NOP9: variants seen among roughly 807,000 people sequenced by gnomAD.
NOP9 encodes nucleolar protein 9.
In NOP9, 50 loss-of-function variants were observed where a neutral mutation model predicts 63.0. The ratio of observed to expected loss-of-function variants is 0.79; its 90% CI spans 0.63 to 1.00. The LOEUF (loss-of-function observed/expected upper bound fraction) is 1.00, where lower values mean the gene tolerates loss of function less well. NOP9 is among the 50% of genes least tolerant of loss of function. The pLI is 0.00. For missense variants in NOP9, 758 were observed against 803.0 expected (o/e 0.94, Z 0.68); for synonymous variants, 343 against 332.8 (o/e 1.03, Z -0.33).
the NOP9 span, among the ~76,000 whole-genome samples, chr14:24,279,830 A>T: frequency 6.6e-6 from 1 of 152,186 alleles, no homozygotes; most frequent in East Asian, 1.9e-4. Flanking sequence ...TTTTGGGCAT[A>T]TATGATGTGA....
Position 24,304,548 on chromosome 14 carries a change from T to G in NOP9, c.1703T>G (p.Ile568Ser), listed in dbSNP as rs1358089673. Residue 568 changes from isoleucine (I) to serine (S), a missense_variant, in exon 9 of 10, where the codon ATC becomes AGC. Physicochemically the swap from Ile to Ser is moderately radical, Grantham distance 142. Coordinates refer to ENST00000267425, the MANE Select transcript of NOP9 (RefSeq NM_174913.3). The part of the protein sequence containing the change: ...SRHGSRVLDA[I>S]WSGAALRARK... Reference sequence around the variant, plus strand: ...CATGGCAGCCGTGTGCTAGATGCCATCTGGAGTGGAGCAGCCTTGAGGGCC... The same window carrying G: ...CATGGCAGCCGTGTGCTAGATGCCAGCTGGAGTGGAGCAGCCTTGAGGGCC... 3 of 1,613,732 alleles carry G rather than the reference T, an allele frequency of 1.9e-6. No individual in the cohort carries two copies. The highest frequency in any genetic ancestry group is 2.2e-5 in the South Asian group (2 of 91,058).
At position 24,307,914 on chromosome 14, in the gene NOP9, G is replaced by T. The variant is rs138916669; in HGVS notation, c.*2819G>T. ...TCTGGGCTGGGTGGTTCTCTCCTGT[G>T]CTGGGGCTTTAGTGGTGTTTTCTGT... On this transcript the variant is annotated 3_prime_UTR_variant, in exon 10 of 10. Transcript: ENST00000267425. 6.8e-7 allele frequency: 1 copy of T among 1,476,482 alleles called. No individual in the cohort carries two copies. The highest frequency in any genetic ancestry group is 9.3e-7 in the Non-Finnish European group (1 of 1,076,384). 91.5% of individuals were successfully genotyped at this position (1,476,482 alleles called of 1,614,324 possible).
chr14:24,286,407 C>T, the NOP9 span, among the ~76,000 whole-genome samples: 2 of 152,202 alleles, frequency 1.3e-5, no homozygotes, highest in African/African-American at 4.8e-5. Context: ...AGTCCATCCT[C>T]CCCATACCTC....
At chr14:24,276,002 G>T in the NOP9 span, among the ~76,000 whole-genome samples, 1 of 152,198 alleles carries the variant, frequency 6.6e-6, no homozygotes. Context: ...CCATGTGACT[G>T]CTAAGCGCTT....
At position 24,301,606 on chromosome 14, in the gene NOP9, C is replaced by G; in HGVS notation, c.698-6C>G. 6.2e-7 allele frequency: 1 copy of G among 1,614,126 alleles called. No homozygotes were observed. Among genetic ancestry groups the G allele is most frequent in the Non-Finnish European group, 8.5e-7 (1 of 1,179,972 alleles). ...CCCACTGCACATGTTCTTAATCTTCCTTCAGAAGCACAGAAGACCCCAGCT... is the reference window on the plus strand; with the variant it reads ...CCCACTGCACATGTTCTTAATCTTCGTTCAGAAGCACAGAAGACCCCAGCT... On this transcript the variant is annotated splice_region_variant and splice_polypyrimidine_tract_variant and intron_variant, in intron 2 of 9. Transcript: ENST00000267425.
chr14:24,303,027 T>C, intron 5 of NOP9, 47 bp from the exon 6 acceptor site: 1 of 1,491,922 alleles, frequency 6.7e-7, no homozygotes, highest in Non-Finnish European at 8.9e-7. Context: ...AATAATGTGG[T>C]CCGCCATTAC....
At chr14:24,296,936 C>CA, upstream of NOP9, 1 of 1,608,738 alleles carries the variant, frequency 6.2e-7, no homozygotes, top group East Asian at 2.2e-5. Context: ...TGAGTCATGA[C>CA]AAAACTCCCC....
the NOP9 span, chr14:24,293,993 G>A: frequency 6.6e-6 from 1 of 152,106 alleles, no homozygotes; most frequent in Admixed American, 6.6e-5. Flanking sequence ...AATCAGTGGG[G>A]GAAAGTTGGA....
At chr14:24,291,733 G>A in the NOP9 span, 2 of 1,201,772 alleles carry the variant, frequency 1.7e-6, no homozygotes, top group South Asian at 1.2e-5. Context: ...AGACCAAAGA[G>A]GCCAAAGACC....
Position 24,303,751 on chromosome 14 carries a change from C to G in NOP9, c.1304C>G (p.Pro435Arg). ...CTTTAGGCATTCCACTGTGCAGAGC[C>G]CTCATCCCGGCAAGTGGCCTGTGTG... ...LLLEAFHCAE[P>R]SSRQVACVPL... Residue 435 changes from proline (P) to arginine (R), a missense_variant, in exon 7 of 10, where the codon CCC becomes CGC. Transcript: ENST00000267425. The G allele has an allele frequency of 3.7e-6, 6 of 1,614,144 alleles. No individual in the cohort carries two copies. Among genetic ancestry groups the G allele is most frequent in the Non-Finnish European group, 5.1e-6 (6 of 1,180,002 alleles).
At chr14:24,302,677 C>T (rs529576422) in intron 5 of NOP9, among the ~76,000 whole-genome samples, 2 of 152,310 alleles carry the variant, frequency 1.3e-5, no homozygotes, top group East Asian at 3.9e-4. Context: ...GTTCCATGGC[C>T]CACCCAGACT....
the NOP9 span, among the ~76,000 whole-genome samples, chr14:24,286,101 G>A: frequency 6.6e-6 from 1 of 152,214 alleles, no homozygotes; most frequent in Non-Finnish European, 1.5e-5. Flanking sequence ...CTCAGTTGGG[G>A]CGGGGCTGCA....
rs961328146 is a variant in NOP9 at position 24,299,953 on chromosome 14, A to G, written c.-2A>G. The G allele has an allele frequency of 6.5e-7, 1 of 1,537,850 alleles. No individual in the cohort carries two copies. The highest frequency in any genetic ancestry group is 2.3e-5 in the East Asian group (1 of 44,084). Reference sequence around the variant, plus strand: ...TGCAGCCGGACAGGTCGCGAAGCACACATGGGGCAGGGTCCGCGCTCTCCA... The same window carrying G: ...TGCAGCCGGACAGGTCGCGAAGCACGCATGGGGCAGGGTCCGCGCTCTCCA... On this transcript the variant is annotated 5_prime_UTR_variant, in exon 1 of 10. Coordinates refer to ENST00000267425, the MANE Select transcript of NOP9 (RefSeq NM_174913.3).
rs1289410466 is a variant in NOP9 at position 24,300,971 on chromosome 14, A to G, written c.697+114A>G. 5.9e-6 allele frequency: 5 copies of G among 853,764 alleles called. No individual in the cohort carries two copies. In the Admixed American group the frequency reaches 8.2e-5, roughly 14 times the overall value. The allele number at this position is 853,764 out of a possible 1,614,324, so 52.9% of individuals were successfully genotyped here. On this transcript the variant is annotated intron_variant, in intron 2 of 9. Coordinates refer to ENST00000267425, the MANE Select transcript of NOP9 (RefSeq NM_174913.3). The stretch of plus-strand genomic sequence containing the variant: ...TGGGGGAGCTTGACCGGGAAGAATT[A>G]GCTTGACCTGTCCTAATCTGAACAG...
At position 24,305,845 on chromosome 14, in the gene NOP9, C is replaced by G. The variant is rs1016641077; in HGVS notation, c.*750C>G. 19 of 1,589,394 alleles carry G rather than the reference C, an allele frequency of 1.2e-5. No homozygotes were observed. Among genetic ancestry groups the G allele is most frequent in the Non-Finnish European group, 1.6e-5 (19 of 1,165,780 alleles). On this transcript the variant is annotated 3_prime_UTR_variant, in exon 10 of 10. Coordinates refer to ENST00000267425, the MANE Select transcript of NOP9 (RefSeq NM_174913.3). ...CATCAAGCTGGGAGATGAGGACTTT[C>G]CACAAGCAAGAGCTAACTAGGGGTA...
At position 24,303,877 on chromosome 14, in the gene NOP9, A is replaced by G; in HGVS notation, c.1410+20A>G. ...CACCAGGTGAGGTAGGGGAGAGGCCAAGCCAGTGACTAATTGGGAGTCAGG... is the reference window on the plus strand; with the variant it reads ...CACCAGGTGAGGTAGGGGAGAGGCCGAGCCAGTGACTAATTGGGAGTCAGG... On this transcript the variant is annotated intron_variant, in intron 7 of 9. Transcript: ENST00000267425. The G allele has an allele frequency of 6.2e-7, 1 of 1,612,102 alleles. No homozygotes were observed. The highest frequency in any genetic ancestry group is 8.5e-7 in the Non-Finnish European group (1 of 1,178,298).
the NOP9 span, chr14:24,290,658 G>A: frequency 3.5e-6 from 2 of 575,954 alleles, no homozygotes; most frequent in East Asian, 3.0e-5. Flanking sequence ...AAGGCAAAAA[G>A]TAAAAAGAAG....
Position 24,303,311 on chromosome 14 carries a change from G to A in NOP9, c.1284+97G>A, listed in dbSNP as rs542817175. ...TAAGTTTTTGTACCTCTGGACTCAG[G>A]AAGTCTAATGCCCAAGGAGTTCACA... On this transcript the variant is annotated intron_variant, in intron 6 of 9. Coordinates refer to ENST00000267425, the MANE Select transcript of NOP9 (RefSeq NM_174913.3). 15 of 1,470,624 alleles carry A rather than the reference G, an allele frequency of 1.0e-5. No homozygotes were observed. The East Asian group carries it at 2.3e-4, about 22-fold the overall frequency. The allele number at this position is 1,470,624 out of a possible 1,614,324, so 91.1% of individuals were successfully genotyped here.
upstream of NOP9, chr14:24,299,415 C>A: frequency 7.1e-6 from 2 of 282,750 alleles, no homozygotes; most frequent in Non-Finnish European, 6.7e-6. Context: ...GGGAATCTGG[C>A]GCGGCAGCCC....
Sources: gnomAD v4.1 joint callset for allele counts (sites outside exome capture counted in the v4.1 genomes callset) on GRCh38, gnomAD v4.1.1 for gene constraint, MANE v1.5 for transcripts, NCBI Gene and HGNC (gene_info 2026-07-23, HGNC 2026-07-21) for gene names.